SLC16A7: variants seen among roughly 807,000 people sequenced by gnomAD.
The protein encoded by SLC16A7 is monocarboxylate transporter 2.
Under a neutral mutation model 34.9 loss-of-function variants are expected in SLC16A7, and 33 were observed. The observed-to-expected ratio is 0.94, with a 90% CI of 0.72 to 1.26. SLC16A7 has a LOEUF of 1.26. Among genes scored for constraint, SLC16A7 ranks in the 50% most tolerant of loss-of-function variants. SLC16A7 has a pLI of 0.00. For missense variants in SLC16A7, 573 were observed against 578.1 expected (o/e 0.99, Z 0.09); for synonymous variants, 201 against 206.6 (o/e 0.97, Z 0.23).
intron 1 of SLC16A7, among the ~76,000 whole-genome samples, chr12:59,603,961 A>C (rs17122680): frequency 0.059 from 8,965 of 152,268 alleles, 294 homozygotes; most frequent in Middle Eastern, 0.11. Context: ...GGGCCACATG[A>C]AATGAATCCC....
chr12:59,682,438 G>T (rs1054363407), intron 2 of SLC16A7, among the ~76,000 whole-genome samples: 3 of 152,072 alleles, frequency 2.0e-5, no homozygotes, highest in East Asian at 1.9e-4. Context: ...TGTATTAGAC[G>T]CTATAGTGAA....
intron 1 of SLC16A7, among the ~76,000 whole-genome samples, chr12:59,604,169 A>G (rs960504601): frequency 6.6e-6 from 1 of 152,258 alleles, no homozygotes; most frequent in Non-Finnish European, 1.5e-5. Context: ...TTCAAGGATA[A>G]CAATGGTTTT....
At chr12:59,645,760 GA>G (rs749284587) in intron 1 of SLC16A7, among the ~76,000 whole-genome samples, 4 of 152,122 alleles carry the variant, frequency 2.6e-5, no homozygotes, top group Admixed American at 2.0e-4. Flanking sequence ...GGTGGGCTCA[GA>G]AAAAGACAGG....
At chr12:59,690,561 G>T (rs1174103342) in intron 2 of SLC16A7, among the ~76,000 whole-genome samples, 1 of 151,924 alleles carries the variant, frequency 6.6e-6, no homozygotes, top group Non-Finnish European at 1.5e-5. Flanking sequence ...ATGTGGAGAT[G>T]CCTAGAAAAA....
At chr12:59,748,133 G>A (rs890284900) in intron 3 of SLC16A7, among the ~76,000 whole-genome samples, 19 of 152,158 alleles carry the variant, frequency 1.2e-4, no homozygotes, top group African/African-American at 2.7e-4. Flanking sequence ...GGTTAATCGA[G>A]GGATTGGTAG....
At chr12:59,603,908 C>T (rs1226569646) in intron 1 of SLC16A7, among the ~76,000 whole-genome samples, 2 of 152,196 alleles carry the variant, frequency 1.3e-5, no homozygotes, top group Non-Finnish European at 2.9e-5. Flanking sequence ...ACTTGTGACT[C>T]AAATTTTCTT....
chr12:59,661,652 C>A (rs995788869), intron 2 of SLC16A7, among the ~76,000 whole-genome samples: 1 of 152,030 alleles, frequency 6.6e-6, no homozygotes, highest in African/African-American at 2.4e-5. Flanking sequence ...TCCAATAATT[C>A]TTTTCCATTA....
intron 5 of SLC16A7, 42 bp from the exon 6 acceptor site, chr12:59,779,381 T>C: frequency 6.9e-7 from 1 of 1,439,176 alleles, no homozygotes; most frequent in Non-Finnish European, 9.5e-7. Flanking sequence ...ATTATATGAC[T>C]GTTTTATTAT....
intron 3 of SLC16A7, among the ~76,000 whole-genome samples, chr12:59,723,475 A>G (rs1345500811): frequency 6.6e-6 from 1 of 152,022 alleles, no homozygotes; most frequent in African/African-American, 2.4e-5. Context: ...ATACTTTTAA[A>G]GACGGAGATG....
chr12:59,671,688 ATATG>A (rs963509004), intron 2 of SLC16A7, among the ~76,000 whole-genome samples: 3 of 147,334 alleles, frequency 2.0e-5, no homozygotes, highest in African/African-American at 5.0e-5. Context: ...CTATATATAT[ATATG>A]TGTGTGTGTG....
Position 59,783,759 on chromosome 12 carries a change from C to T in SLC16A7, c.*4080C>T, listed in dbSNP as rs966982495. The T allele has an allele frequency of 1.3e-5, 2 of 151,692 alleles. No individual in the cohort carries two copies. The highest frequency in any genetic ancestry group is 2.9e-5 in the Non-Finnish European group (2 of 68,062). 9.4% of individuals were successfully genotyped at this position (151,692 alleles called of 1,614,324 possible). On this transcript the variant is annotated 3_prime_UTR_variant, in exon 6 of 6. Coordinates refer to ENST00000547379, the MANE Select transcript of SLC16A7 (RefSeq NM_001270623.2). The stretch of plus-strand genomic sequence containing the variant: ...CTCTGCCTCCCAGGTTCAAGCAATT[C>T]TCCTGCCTCAGCCTCCCGAGTAACT...
intron 3 of SLC16A7, among the ~76,000 whole-genome samples, chr12:59,712,366 C>T (rs1041654486): frequency 3.3e-5 from 5 of 152,136 alleles, no homozygotes; most frequent in African/African-American, 4.8e-5. Flanking sequence ...CCATATTTTC[C>T]GTGGCATTTC....
intron 3 of SLC16A7, among the ~76,000 whole-genome samples, chr12:59,728,685 A>G (rs915156552): frequency 6.6e-6 from 1 of 152,192 alleles, no homozygotes; most frequent in Non-Finnish European, 1.5e-5. Flanking sequence ...AGATTGTGCC[A>G]CTGCACTCCA....
chr12:59,654,553 T>C (rs757254441), intron 1 of SLC16A7, among the ~76,000 whole-genome samples: 2 of 151,888 alleles, frequency 1.3e-5, no homozygotes, highest in Non-Finnish European at 2.9e-5. Context: ...TTTTGTAATA[T>C]TTCTGATGTA....
intron 3 of SLC16A7, among the ~76,000 whole-genome samples, chr12:59,753,809 T>C (rs548940145): frequency 7.2e-5 from 11 of 152,282 alleles, no homozygotes; most frequent in South Asian, 4.1e-4. Context: ...ATACATTTTT[T>C]TCAGCACCAC....
chr12:59,661,796 A>G (rs149412448), intron 2 of SLC16A7, among the ~76,000 whole-genome samples: 256 of 152,230 alleles, frequency 1.7e-3, no homozygotes, highest in African/African-American at 6.0e-3. Context: ...TTATTCTATG[A>G]AAGCAAATTT....
chr12:59,686,103 T>C (rs1382654684), intron 2 of SLC16A7, among the ~76,000 whole-genome samples: 2 of 149,232 alleles, frequency 1.3e-5, no homozygotes, highest in Non-Finnish European at 3.0e-5. Flanking sequence ...TTCTTTTTTT[T>C]TTTTTTTTTT....
Position 59,786,048 on chromosome 12 carries a change from G to C in SLC16A7, c.*6369G>C, listed in dbSNP as rs28693834. The C allele has an allele frequency of 7.8e-6, 1 of 128,632 alleles. No homozygotes were observed. Among genetic ancestry groups the C allele is most frequent in the African/African-American group, 2.9e-5 (1 of 34,366 alleles). The allele number at this position is 128,632 out of a possible 1,614,324, so 8.0% of individuals were successfully genotyped here. A position where few individuals can be genotyped will look rare whatever the true frequency, so the allele number is the denominator to read the frequency against. ...TGGGGACTGTGGTGGGGTCGGGGGA[G>C]GGGGGAGGGATAGCATTGGGAGATA... On this transcript the variant is annotated 3_prime_UTR_variant, in exon 6 of 6. Transcript: ENST00000547379.
At chr12:59,612,811 C>T (rs1879260953) in intron 1 of SLC16A7, among the ~76,000 whole-genome samples, 2 of 152,198 alleles carry the variant, frequency 1.3e-5, no homozygotes, top group Non-Finnish European at 2.9e-5. Context: ...CAAAAAGTTC[C>T]TCATCTCCAT....
Sources: gnomAD v4.1 joint callset for allele counts (sites outside exome capture counted in the v4.1 genomes callset) on GRCh38, gnomAD v4.1.1 for gene constraint, MANE v1.5 for transcripts, NCBI Gene and HGNC (gene_info 2026-07-23, HGNC 2026-07-21) for gene names.